The following RFX6 variants were observed in gnomAD, a reference collection of about 807,000 sequenced individuals.
The protein encoded by RFX6 is regulatory factor X6, also known as DNA-binding protein RFX6.
Under a neutral mutation model 110.8 loss-of-function variants are expected in RFX6, and 50 were observed. That is an observed-to-expected ratio of 0.45 (90% CI 0.36 to 0.57). The LOEUF is 0.57. Among genes scored for constraint, RFX6 ranks in the 20% least tolerant of loss-of-function variants. The pLI is 0.00. For synonymous variants in RFX6, 383 were observed against 411.2 expected, an observed-to-expected ratio of 0.93 and a Z score of 0.83; for missense variants, 990 against 1,127.0, an observed-to-expected ratio of 0.88 and a Z score of 1.74.
intron 6 of RFX6, among the ~76,000 whole-genome samples, chr6:116,908,677 C>CACAT (rs1775263763): frequency 1.0e-5 from 1 of 96,104 alleles, no homozygotes; most frequent in African/African-American, 3.6e-5. Context: ...CATACACACA[C>CACAT]ACACACACAC....
intron 6 of RFX6, among the ~76,000 whole-genome samples, chr6:116,899,985 G>A (rs534848304): frequency 1.4e-4 from 22 of 152,214 alleles, no homozygotes; most frequent in Admixed American, 9.8e-4. Context: ...TAGAAGATGC[G>A]AATAGATGAT....
At chr6:116,883,305 GA>G (rs1477182440) in intron 4 of RFX6, among the ~76,000 whole-genome samples, 2 of 151,958 alleles carry the variant, frequency 1.3e-5, no homozygotes, top group African/African-American at 4.8e-5. Context: ...AATAAATACA[GA>G]AAACTACCTC....
intron 4 of RFX6, among the ~76,000 whole-genome samples, chr6:116,890,790 A>G (rs1475699738): frequency 2.0e-5 from 3 of 152,126 alleles, no homozygotes; most frequent in African/African-American, 7.2e-5. Flanking sequence ...CGGTTTTTTG[A>G]GTATATATAA....
In RFX6 at chr6:116,927,215, G is replaced by C. The variant is rs770452191; in HGVS notation, c.2074G>C (p.Ala692Pro). The change falls in exon 17 of 19, where the codon GCC becomes CCC. Residue 692 changes from alanine to proline, a missense_variant. Ala to Pro is a conservative substitution (Grantham distance 27). This residue lies in a region of RFX6 where 438 missense variants were observed against 441.9 expected (regional missense o/e 0.99). Coordinates refer to ENST00000332958, the MANE Select transcript of RFX6 (RefSeq NM_173560.4). The part of the protein sequence containing the change: ...PEPIYPTLPQ[A>P]NHDFYSTSSN... ...GCCCATTTATCCCACTCTCCCTCAA[G>C]CCAATCATGACTTTTATAGCACCAG... 1.2e-6 allele frequency: 2 copies of C among 1,614,140 alleles called. No homozygotes were observed. The highest frequency in any genetic ancestry group is 8.5e-7 in the Non-Finnish European group (1 of 1,180,026).
intron 6 of RFX6, among the ~76,000 whole-genome samples, chr6:116,895,445 C>T (rs999746745): frequency 2.0e-5 from 3 of 151,934 alleles, no homozygotes; most frequent in Non-Finnish European, 2.9e-5. Context: ...TTATCTTTAC[C>T]TAATATCAGA....
At chr6:116,878,010 C>T (rs1774503699) in intron 2 of RFX6, 58 bp downstream of exon 2, 1 of 1,509,386 alleles carries the variant, frequency 6.6e-7, no homozygotes, top group African/African-American at 1.4e-5. Context: ...CAGCCAGCGT[C>T]TTCAGGATCT....
intron 4 of RFX6, among the ~76,000 whole-genome samples, chr6:116,888,546 C>T (rs773856397): frequency 8.5e-5 from 13 of 152,168 alleles, no homozygotes; most frequent in South Asian, 2.1e-4. Context: ...CCAGGATTTT[C>T]GAGCATTTAT....
intron 7 of RFX6, among the ~76,000 whole-genome samples, chr6:116,915,610 CTT>C (rs1277821944): frequency 6.6e-6 from 1 of 151,980 alleles, no homozygotes; most frequent in Non-Finnish European, 1.5e-5. Context: ...TATTTTACTA[CTT>C]TATGTTTATT....
At chr6:116,913,152 G>T (rs1775390876) in intron 7 of RFX6, among the ~76,000 whole-genome samples, 1 of 152,100 alleles carries the variant, frequency 6.6e-6, no homozygotes, top group Admixed American at 6.5e-5. Context: ...GGCAACCTTT[G>T]CCTCCCTGGT....
Position 116,928,821 on chromosome 6 carries a change from C to T in RFX6, c.2461C>T (p.His821Tyr). The change falls in exon 18 of 19, where the codon CAC becomes TAC. Residue 821 changes from histidine to tyrosine, a missense_variant. Physicochemically the swap from His to Tyr is moderately conservative, Grantham distance 83. This residue lies in a region of RFX6 where 438 missense variants were observed against 441.9 expected (regional missense o/e 0.99). Transcript: ENST00000332958. ...SHRLGSMVNQHVSVISSIRSL... is the reference protein window; with the variant it reads ...SHRLGSMVNQYVSVISSIRSL... ...CAGGCTCGGATCAATGGTGAATCAG[C>T]ACGTTTCTGTCATCAGCAGCATTCG... is the stretch of plus-strand genomic sequence containing the variant. 1 of 1,613,970 alleles carries T rather than the reference C, an allele frequency of 6.2e-7. No individual in the cohort carries two copies. Among genetic ancestry groups the T allele is most frequent in the Non-Finnish European group, 8.5e-7 (1 of 1,179,846 alleles).
intron 6 of RFX6, among the ~76,000 whole-genome samples, chr6:116,903,970 G>T (rs1031199150): frequency 6.6e-6 from 1 of 151,920 alleles, no homozygotes; most frequent in Non-Finnish European, 1.5e-5. Context: ...TACTAGTAAA[G>T]GTGAAATTAT....
intron 4 of RFX6, among the ~76,000 whole-genome samples, chr6:116,883,060 C>A (rs1371753932): frequency 1.3e-5 from 2 of 152,122 alleles, no homozygotes; most frequent in Admixed American, 6.6e-5. Flanking sequence ...TTTCTCCTTT[C>A]CTTCTGCCTA....
rs1775879185 is a variant in RFX6 at position 116,931,340 on chromosome 6, T to A, written c.2621T>A (p.Leu874Ter). 1 of 1,611,874 alleles carries A rather than the reference T, an allele frequency of 6.2e-7. No homozygotes were observed. The highest frequency in any genetic ancestry group is 8.5e-7 in the Non-Finnish European group (1 of 1,178,088). ...ATATTTTCCCTTACAGCTTCCAGTT[T>A]GCAAACCCCAATTCCTTCTTCCTCA... is the stretch of plus-strand genomic sequence containing the variant. ...ACRTPVLASS[L>*]QTPIPSSSSQ... Residue 874 changes from leucine (L) to a stop codon, truncating the protein, a stop_gained, in exon 19 of 19, where the codon TTG becomes TAG. Transcript: ENST00000332958. LOFTEE classifies it high-confidence loss of function.
intron 6 of RFX6, among the ~76,000 whole-genome samples, chr6:116,896,266 C>G (rs1435480536): frequency 1.3e-5 from 2 of 152,128 alleles, no homozygotes; most frequent in Non-Finnish European, 2.9e-5. Flanking sequence ...AAATATTTCT[C>G]AAGTCTACTT....
rs146531674 is a variant in RFX6, at chr6:116,913,620, G to A, written c.781-2388G>A. 1.1e-3 allele frequency among the ~76,000 whole-genome samples: 160 copies of A among 152,246 alleles called. 5 individuals carry two copies. The East Asian group carries it at 0.021, about 20-fold the overall frequency. On this transcript the variant is annotated intron_variant, in intron 7 of 18. Coordinates refer to ENST00000332958, the MANE Select transcript of RFX6 (RefSeq NM_173560.4). Reference sequence around the variant, plus strand: ...AAGTACACTGGAATTAAAATTCATTGCGCTAAGACTATGTAAGTATTAAAT... The same window carrying A: ...AAGTACACTGGAATTAAAATTCATTACGCTAAGACTATGTAAGTATTAAAT...
At position 116,915,930 on chromosome 6, in the gene RFX6, A is replaced by T. The variant is rs555597703; in HGVS notation, c.781-78A>T. On this transcript the variant is annotated intron_variant, in intron 7 of 18. Transcript: ENST00000332958. Reference sequence around the variant, plus strand: ...TGGTACGTAATAGGATCTTTTAAAAAATCTGTGTTGAACAAATTAACAAGA... The same window carrying T: ...TGGTACGTAATAGGATCTTTTAAAATATCTGTGTTGAACAAATTAACAAGA... 7.8e-6 allele frequency: 8 copies of T among 1,032,158 alleles called. No individual in the cohort carries two copies. The African/African-American group carries it at 1.3e-4, about 16-fold the overall frequency. The allele number at this position is 1,032,158 out of a possible 1,614,324, so 63.9% of individuals were successfully genotyped here.
At chr6:116,880,190 A>T (rs2114659990) in intron 2 of RFX6, among the ~76,000 whole-genome samples, 1 of 152,128 alleles carries the variant, frequency 6.6e-6, no homozygotes, top group Admixed American at 6.5e-5. Flanking sequence ...GAATGTTTTA[A>T]AAAATACCCA....
At chr6:116,929,741 G>C (rs1468237850) in intron 18 of RFX6, among the ~76,000 whole-genome samples, 1 of 152,174 alleles carries the variant, frequency 6.6e-6, no homozygotes, top group Admixed American at 6.5e-5. Flanking sequence ...TCAAAGCAGA[G>C]TGTTAATATT....
At chr6:116,920,158 T>G in intron 11 of RFX6, 152 bp from the exon 12 acceptor site, 1 of 680,570 alleles carries the variant, frequency 1.5e-6, no homozygotes, top group Non-Finnish European at 2.6e-6. Context: ...GAGATGATCA[T>G]GAGTCTCAGC....
Sources: allele counts gnomAD v4.1 joint callset (sites outside exome capture counted in the v4.1 genomes callset), GRCh38; gene constraint gnomAD v4.1.1; regional missense constraint gnomAD v4.1.1; transcripts MANE v1.5; gene names NCBI Gene and HGNC (gene_info 2026-07-23, HGNC 2026-07-21).